The following ADD1 variants were observed in gnomAD, a reference collection of about 807,000 sequenced individuals.
ADD1 encodes the protein adducin 1, also known as alpha-adducin.
ADD1 carries 24 observed loss-of-function variants against 80.5 expected under a neutral mutation model. The ratio of observed to expected loss-of-function variants is 0.30; its 90% confidence interval spans 0.22 to 0.42. The LOEUF is 0.42. Among genes scored for constraint, ADD1 ranks in the 10% least tolerant of loss-of-function variants. ADD1 has a pLI of 1.00. For synonymous variants in ADD1, 373 were observed against 393.8 expected, an observed-to-expected ratio of 0.95 and a Z score of 0.63; for missense variants, 948 against 1,019.0, an observed-to-expected ratio of 0.93 and a Z score of 0.95.
At chr4:2,902,265 A>G (rs1736316788) in intron 9 of ADD1, 2 of 152,220 alleles carry the variant, frequency 1.3e-5, no homozygotes, top group Admixed American at 6.5e-5. Context: ...ACTTGAATTA[A>G]TAAGAACTGT....
chr4:2,867,924 A>G (rs1729794849), intron 1 of ADD1: 1 of 152,168 alleles, frequency 6.6e-6, no homozygotes, highest in Admixed American at 6.5e-5. Flanking sequence ...AAATGAGTTA[A>G]AACACACATA....
At chr4:2,925,249 G>A (rs1464963449) in intron 14 of ADD1, among the ~76,000 whole-genome samples, 1 of 152,196 alleles carries the variant, frequency 6.6e-6, no homozygotes, top group Admixed American at 6.5e-5. Context: ...AGCTGCCAAC[G>A]TGGTACTTGG....
intron 2 of ADD1, among the ~76,000 whole-genome samples, chr4:2,877,087 T>TTAGA (rs941159529): frequency 1.3e-5 from 2 of 152,094 alleles, no homozygotes; most frequent in African/African-American, 4.8e-5. Context: ...ATACCTTTAG[T>TTAGA]TAGAGTCAGC....
At chr4:2,897,406 G>T (rs915465970) in intron 6 of ADD1, among the ~76,000 whole-genome samples, 1 of 148,218 alleles carries the variant, frequency 6.7e-6, no homozygotes, top group African/African-American at 2.5e-5. Context: ...TATATAAATT[G>T]TATATATATA....
At chr4:2,844,425 G>C (rs1725860106) in intron 1 of ADD1, 1 of 152,230 alleles carries the variant, frequency 6.6e-6, no homozygotes, top group Admixed American at 6.5e-5. Flanking sequence ...GTTTGTGTAC[G>C]GACGCATCTG....
intron 14 of ADD1, among the ~76,000 whole-genome samples, chr4:2,917,500 A>G (rs1739286536): frequency 6.6e-6 from 1 of 152,166 alleles, no homozygotes; most frequent in Non-Finnish European, 1.5e-5. Context: ...TTCTGATGAT[A>G]GTTTCTTCTG....
At chr4:2,889,860 A>G (rs974246371) in intron 4 of ADD1, among the ~76,000 whole-genome samples, 1 of 151,638 alleles carries the variant, frequency 6.6e-6, no homozygotes, top group Non-Finnish European at 1.5e-5. Flanking sequence ...CAGTAATAAT[A>G]AAAGCCGCAA....
At position 2,875,753 on chromosome 4, in the gene ADD1, G is replaced by A. The variant is rs563259098; in HGVS notation, c.-20-143G>A. ...CATGTGCCTCTGAGGCCACAAAGAAGCCTCACAGGTCATGGTTTCCACTGT... is the reference window on the plus strand; with the variant it reads ...CATGTGCCTCTGAGGCCACAAAGAAACCTCACAGGTCATGGTTTCCACTGT... On this transcript the variant is annotated intron_variant, in intron 1 of 15. Coordinates refer to ENST00000683351, the MANE Select transcript of ADD1 (RefSeq NM_001354761.2). 16 of 605,484 alleles carry A rather than the reference G, an allele frequency of 2.6e-5. No homozygotes were observed. The South Asian group carries it at 4.0e-4, about 15-fold the overall frequency. The allele number at this position is 605,484 out of a possible 1,614,324, so 37.5% of individuals were successfully genotyped here. A position where few individuals can be genotyped will look rare whatever the true frequency, so the allele number is the denominator to read the frequency against.
chr4:2,904,585 G>A (rs1736725479), intron 9 of ADD1, 179 bp from the exon 10 acceptor site: 2 of 628,538 alleles, frequency 3.2e-6, no homozygotes, highest in South Asian at 2.0e-5. Flanking sequence ...CCACATTTTA[G>A]TACCTGGTTT....
intron 2 of ADD1, among the ~76,000 whole-genome samples, chr4:2,881,160 C>T (rs969949057): frequency 6.8e-6 from 1 of 147,610 alleles, no homozygotes; most frequent in Non-Finnish European, 1.5e-5. Flanking sequence ...TCACTGCAAC[C>T]TCTGCCTCCT....
At chr4:2,925,014 G>C (rs1428735545) in intron 14 of ADD1, among the ~76,000 whole-genome samples, 2 of 152,246 alleles carry the variant, frequency 1.3e-5, no homozygotes, top group Admixed American at 1.3e-4. Flanking sequence ...TGGCAGCTGA[G>C]TGGATGGGGA....
At chr4:2,920,771 G>A (rs1739885313) in intron 14 of ADD1, among the ~76,000 whole-genome samples, 1 of 114,658 alleles carries the variant, frequency 8.7e-6, no homozygotes. Context: ...CACAGTGACA[G>A]GTCTTGACTC....
In ADD1 at chr4:2,929,914, G is replaced by T. The variant is rs905964911; in HGVS notation, c.*1391G>T. 2.0e-5 allele frequency: 3 copies of T among 152,644 alleles called. No homozygotes were observed. The highest frequency in any genetic ancestry group is 7.2e-5 in the African/African-American group (3 of 41,458). 9.5% of individuals were successfully genotyped at this position (152,644 alleles called of 1,614,324 possible). A position where few individuals can be genotyped will look rare whatever the true frequency, so the allele number is the denominator to read the frequency against. Reference sequence around the variant, plus strand: ...CCCTCCTTTACCCCACATATGCAATGACTTTTAATTTTCACTTTTGTAGTT... The same window carrying T: ...CCCTCCTTTACCCCACATATGCAATTACTTTTAATTTTCACTTTTGTAGTT... On this transcript the variant is annotated 3_prime_UTR_variant, in exon 16 of 16. Coordinates refer to ENST00000683351, the MANE Select transcript of ADD1 (RefSeq NM_001354761.2).
chr4:2,884,811 A>T (rs1732977373), intron 4 of ADD1, 145 bp downstream of exon 4: 15 of 1,015,524 alleles, frequency 1.5e-5, no homozygotes, highest in Non-Finnish European at 1.9e-5. Context: ...TACAGAGTGT[A>T]ATAACCTGAG....
chr4:2,884,653 A>G lies in ADD1; in HGVS notation c.497A>G (p.Tyr166Cys), dbSNP rs1732949074. 1.2e-6 allele frequency: 2 copies of G among 1,608,284 alleles called. No homozygotes were observed. The highest frequency in any genetic ancestry group is 8.5e-7 in the Non-Finnish European group (1 of 1,176,636). ...CTCTTTGGGTGGTCTCAGCTTATCT[A>G]CAATCATATCACAGTGAGTATTAAA... is the stretch of plus-strand genomic sequence containing the variant. The part of the protein sequence containing the change: ...ADLFGWSQLI[Y>C]NHITTRVNSE... Residue 166 changes from tyrosine (Y) to cysteine (C), a missense_variant, in exon 4 of 16, where the codon TAC (tyrosine) becomes TGC (cysteine). By Grantham distance (194) the Tyr-to-Cys change is radical (BLOSUM62 -2). Transcript: ENST00000683351.
intron 1 of ADD1, among the ~76,000 whole-genome samples, chr4:2,864,982 C>T (rs1280069698): frequency 6.6e-6 from 1 of 152,036 alleles, no homozygotes; most frequent in Non-Finnish European, 1.5e-5. Flanking sequence ...TATCTATGAA[C>T]AAATAAAGGA....
chr4:2,895,247 C>A (rs369956789), intron 6 of ADD1, among the ~76,000 whole-genome samples: 2 of 151,948 alleles, frequency 1.3e-5, no homozygotes, highest in Admixed American at 6.6e-5. Flanking sequence ...CAGAGTAAGA[C>A]CTTGTCTCAA....
In ADD1 at chr4:2,923,229, T is replaced by G. The variant is rs967535464; in HGVS notation, c.1949-2785T>G. Reference sequence around the variant, plus strand: ...CTAGCTCAGTGTCTGCCGAAACGGCTGCCCAGTTTTGTGCTTGAAACCCAG... The same window carrying G: ...CTAGCTCAGTGTCTGCCGAAACGGCGGCCCAGTTTTGTGCTTGAAACCCAG... On this transcript the variant is annotated intron_variant, in intron 14 of 15. Transcript: ENST00000683351. 3.3e-5 allele frequency among the ~76,000 whole-genome samples: 5 copies of G among 152,238 alleles called. No individual in the cohort carries two copies. The East Asian group carries it at 9.6e-4, about 29-fold the overall frequency.
At chr4:2,904,172 C>G (rs961073892) in intron 9 of ADD1, among the ~76,000 whole-genome samples, 3 of 152,060 alleles carry the variant, frequency 2.0e-5, no homozygotes, top group African/African-American at 7.2e-5. Flanking sequence ...GGAGAGTGCA[C>G]CTACCGCAAG....
Sources: gnomAD v4.1 joint callset for allele counts (sites outside exome capture counted in the v4.1 genomes callset) on GRCh38, gnomAD v4.1.1 for gene constraint, MANE v1.5 for transcripts, NCBI Gene and HGNC (gene_info 2026-07-23, HGNC 2026-07-21) for gene names.